MPHOSPH8: variants seen among roughly 807,000 people sequenced by gnomAD.
MPHOSPH8 encodes the protein M-phase phosphoprotein, mpp.
In MPHOSPH8, 45 loss-of-function variants were observed where a neutral mutation model predicts 87.3. The observed-to-expected ratio is 0.52, with a 90% CI of 0.41 to 0.66. The LOEUF (loss-of-function observed/expected upper bound fraction) is 0.66. Among genes scored for constraint, MPHOSPH8 ranks in the 30% least tolerant of loss-of-function variants. The pLI, the probability that MPHOSPH8 is intolerant of heterozygous loss-of-function variation, is 0.00. For synonymous variants in MPHOSPH8, 366 were observed against 376.9 expected, an observed-to-expected ratio of 0.97 and a Z score of 0.33; for missense variants, 883 against 1,020.2, an observed-to-expected ratio of 0.87 and a Z score of 1.83.
Position 19,661,785 on chromosome 13 carries a change from G to T in MPHOSPH8, c.1879G>T (p.Val627Leu), listed in dbSNP as rs760012733. The change falls in exon 8 of 14, where the codon GTG becomes TTG. Residue 627 changes from valine (V) to leucine (L), a missense_variant. By Grantham distance (32) the Val-to-Leu change is conservative. This residue lies in a region of MPHOSPH8 where 741 missense variants were observed against 841.5 expected (regional missense o/e 0.88). Transcript: ENST00000361479. ...ACTCCTCATCACAAAAGGCGCGAAA[G>T]TGAACGGTCGGCAGAAGAACGGGAC... ...LRLLITKGAK[V>L]NGRQKNGTTA... The T allele has an allele frequency of 6.2e-7, 1 of 1,613,584 alleles. No individual in the cohort carries two copies.
intron 9 of MPHOSPH8, among the ~76,000 whole-genome samples, chr13:19,663,711 C>T (rs1270136990): frequency 1.3e-5 from 2 of 152,194 alleles, no homozygotes; most frequent in Non-Finnish European, 2.9e-5. Flanking sequence ...GTTGTGGGTT[C>T]CTGGCCCAGG....
At chr13:19,648,386 T>C (rs988071191) in intron 3 of MPHOSPH8, 36 bp from the exon 4 acceptor site, 2 of 1,362,092 alleles carry the variant, frequency 1.5e-6, no homozygotes, top group Non-Finnish European at 2.0e-6. Context: ...GTCAACTCTT[T>C]ATCCATTCTT....
In MPHOSPH8 at chr13:19,646,517, T is replaced by A; in HGVS notation, c.444T>A (p.Thr148=). 6.4e-7 allele frequency: 1 copy of A among 1,570,986 alleles called. No homozygotes were observed. Among genetic ancestry groups the A allele is most frequent in the Non-Finnish European group, 8.6e-7 (1 of 1,169,320 alleles). Residue 148 remains threonine, a synonymous_variant, in exon 3 of 14, where the codon ACT becomes ACA. Transcript: ENST00000361479. ...AGCAAAGTGAGACAAAAGAAGATAC[T>A]TCCCCAAAGAAGAAAAAGAAAAAAT... ...SDQQSETKED[T]SPKKKKKKLR...
In MPHOSPH8 at chr13:19,636,328, C is replaced by CTAAT. The variant is rs1001957684; in HGVS notation, c.213+2372_213+2375dup. Among the ~76,000 whole-genome samples, 19 of 152,186 alleles carry CTAAT rather than the reference C, an allele frequency of 1.2e-4. 1 individual carries two copies. Among genetic ancestry groups the CTAAT allele is most frequent in the Admixed American group, 1.1e-3 (17 of 15,284 alleles). The stretch of plus-strand genomic sequence containing the variant: ...ACACTTACAATTGATTCACTTTTTA[C>CTAAT]TAATTAATAATATTTCTTGATTCTA... On this transcript the variant is annotated intron_variant, in intron 1 of 13. Transcript: ENST00000361479.
rs760829424 is a variant in MPHOSPH8 at position 19,663,033 on chromosome 13, T to C, written c.1933-7T>C. On this transcript the variant is annotated splice_region_variant and splice_polypyrimidine_tract_variant and intron_variant, in intron 8 of 13. Transcript: ENST00000361479. Reference sequence around the variant, plus strand: ...GAAATTAAATTTGCCTTTTTTTCTTTTCATAGAACTTTTTAACAACAGTGG... The same window carrying C: ...GAAATTAAATTTGCCTTTTTTTCTTCTCATAGAACTTTTTAACAACAGTGG... The C allele has an allele frequency of 3.9e-5, 62 of 1,599,682 alleles. No individual in the cohort carries two copies. Among genetic ancestry groups the C allele is most frequent in the Non-Finnish European group, 5.1e-5 (60 of 1,172,660 alleles).
chr13:19,663,424 ACT>A (rs1396802161), intron 9 of MPHOSPH8, among the ~76,000 whole-genome samples: 1 of 152,192 alleles, frequency 6.6e-6, no homozygotes, highest in Non-Finnish European at 1.5e-5. Flanking sequence ...CAGGTGCCAC[ACT>A]GTGTCCTAAA....
chr13:19,671,106 AAAAT>A, intron 12 of MPHOSPH8, 96 bp from the exon 13 acceptor site: 2 of 1,499,142 alleles, frequency 1.3e-6, no homozygotes, highest in Non-Finnish European at 1.8e-6. Flanking sequence ...TATGAAATAA[AAAAT>A]AAAACTTATT....
Position 19,646,589 on chromosome 13 carries a change from A to G in MPHOSPH8, c.516A>G (p.Lys172=), listed in dbSNP as rs1484427240. ...EKSPDDLKKK[K]AKAGKLKDKS... ...GCCCAGATGATCTGAAAAAGAAAAA[A>G]GCAAAGGCCGGGAAGCTAAAAGACA... The change falls in exon 3 of 14, where the codon AAA becomes AAG. Residue 172 remains lysine (K), a synonymous_variant. Coordinates refer to ENST00000361479, the MANE Select transcript of MPHOSPH8 (RefSeq NM_017520.4). 3 of 1,583,474 alleles carry G rather than the reference A, an allele frequency of 1.9e-6. No individual in the cohort carries two copies. The highest frequency in any genetic ancestry group is 2.6e-6 in the Non-Finnish European group (3 of 1,173,090).
chr13:19,659,955 A>ATTTTTTTTTTTTTTTTTTTTTTTTTT (rs34817892), intron 7 of MPHOSPH8, among the ~76,000 whole-genome samples: 1 of 59,134 alleles, frequency 1.7e-5, no homozygotes, highest in African/African-American at 6.0e-5. Flanking sequence ...ATATGTATGG[A>ATTTTTTTTTTTTTTTTTTTTTTTTTT]TTTTTTTTTT....
chr13:19,662,387 G>GT (rs1431354528), intron 8 of MPHOSPH8, among the ~76,000 whole-genome samples: 1 of 152,162 alleles, frequency 6.6e-6, no homozygotes, highest in Non-Finnish European at 1.5e-5. Context: ...AGCCTCCCAA[G>GT]TAGCTGGGAC....
intron 4 of MPHOSPH8, 122 bp from the exon 5 acceptor site, chr13:19,649,881 A>C: frequency 1.1e-6 from 1 of 871,728 alleles, no homozygotes; most frequent in Non-Finnish European, 1.7e-6. Context: ...TTTATAAGCA[A>C]GGTAGATGTT....
chr13:19,666,306 C>G, intron 9 of MPHOSPH8, 119 bp from the exon 10 acceptor site: 1 of 1,088,260 alleles, frequency 9.2e-7, no homozygotes, highest in Non-Finnish European at 1.3e-6. Flanking sequence ...AGTTCTCTAT[C>G]CTTCTTCCAT....
At position 19,666,579 on chromosome 13, in the gene MPHOSPH8, CGTAA is replaced by C. The variant is rs781499754; in HGVS notation, c.2174+3_2174+6del. 7.6e-6 allele frequency: 12 copies of C among 1,571,860 alleles called. No individual in the cohort carries two copies. The highest frequency in any genetic ancestry group is 2.3e-5 in the South Asian group (2 of 87,756). On this transcript the variant is annotated splice_donor_variant and splice_donor_region_variant and intron_variant, in intron 10 of 13. Transcript: ENST00000361479. LOFTEE classifies it high-confidence loss of function. ...GACTTGCTGAAGAACCATTTAGAGA[CGTAA>C]GTGAGAAGCGACTGTGCCATAGTTA...
In MPHOSPH8 at chr13:19,659,230, GATT is replaced by G; in HGVS notation, c.1735_1737del (p.Tyr579del). On this transcript the variant is annotated inframe_deletion, in exon 7 of 14. Coordinates refer to ENST00000361479, the MANE Select transcript of MPHOSPH8 (RefSeq NM_017520.4). ...GTTAAGGGATGCTGTGAAAAATGGG[GATT>G]ATATTACTGTAAAAGTTGCACTTAA... 6.2e-7 allele frequency: 1 copy of G among 1,612,798 alleles called. No homozygotes were observed. Among genetic ancestry groups the G allele is most frequent in the Non-Finnish European group, 8.5e-7 (1 of 1,179,566 alleles).
chr13:19,668,318 C>T lies in MPHOSPH8; in HGVS notation c.2175-59C>T, dbSNP rs772277669. 1.0e-4 allele frequency: 151 copies of T among 1,511,982 alleles called. 1 individual carries two copies. Among genetic ancestry groups the T allele is most frequent in the South Asian group, 1.3e-4 (11 of 82,718 alleles). The allele number at this position is 1,511,982 out of a possible 1,614,324, so 93.7% of individuals were successfully genotyped here. A position where few individuals can be genotyped will look rare whatever the true frequency, so the allele number is the denominator to read the frequency against. On this transcript the variant is annotated intron_variant, in intron 10 of 13. Transcript: ENST00000361479. ...GGCCTGGGAAGCCCTCACTGGTATT[C>T]GACAGGCTTGTGGTTCTTTTCTACA... is the stretch of plus-strand genomic sequence containing the variant.
At position 19,646,524 on chromosome 13, in the gene MPHOSPH8, A is replaced by T; in HGVS notation, c.451A>T (p.Lys151Ter). The T allele has an allele frequency of 6.4e-7, 1 of 1,573,172 alleles. No homozygotes were observed. Among genetic ancestry groups the T allele is most frequent in the Non-Finnish European group, 8.5e-7 (1 of 1,170,130 alleles). Reference sequence around the variant, plus strand: ...TGAGACAAAAGAAGATACTTCCCCAAAGAAGAAAAAGAAAAAATTGAGGCA... The same window carrying T: ...TGAGACAAAAGAAGATACTTCCCCATAGAAGAAAAAGAAAAAATTGAGGCA... ...QSETKEDTSP[K>*]KKKKKLRQRE... Residue 151 changes from lysine to a stop codon, truncating the protein, a stop_gained, in exon 3 of 14, where the codon AAG becomes TAG. Transcript: ENST00000361479. LOFTEE classifies it high-confidence loss of function.
At chr13:19,640,296 G>T (rs991087503) in intron 1 of MPHOSPH8, among the ~76,000 whole-genome samples, 2 of 152,152 alleles carry the variant, frequency 1.3e-5, no homozygotes, top group Non-Finnish European at 2.9e-5. Flanking sequence ...TAAATGCAAA[G>T]ATTTAGACAG....
intron 8 of MPHOSPH8, 74 bp downstream of exon 8, chr13:19,661,912 G>A: frequency 6.8e-7 from 1 of 1,471,524 alleles, no homozygotes; most frequent in Non-Finnish European, 9.1e-7. Flanking sequence ...GATCTCTTTG[G>A]TAGTGAAATA....
rs967712386 is a variant in MPHOSPH8 at position 19,633,791 on chromosome 13, G to C, written c.43G>C (p.Val15Leu). The C allele has an allele frequency of 1.9e-6, 3 of 1,607,630 alleles. No individual in the cohort carries two copies. Among genetic ancestry groups the C allele is most frequent in the Non-Finnish European group, 2.5e-6 (3 of 1,177,620 alleles). The change falls in exon 1 of 14, where the codon GTG becomes CTG. Residue 15 changes from valine to leucine, a missense_variant. By Grantham distance (32) the Val-to-Leu change is conservative. Around this residue, in one of 3 missense-constraint regions of MPHOSPH8, gnomAD observed 103 missense variants for 96.3 expected, o/e 1.07. Coordinates refer to ENST00000361479, the MANE Select transcript of MPHOSPH8 (RefSeq NM_017520.4). ...AEGARVTAVPVSAADSTEELA... is the reference protein window; with the variant it reads ...AEGARVTAVPLSAADSTEELA... ...GGGAGCAAGGGTGACCGCAGTCCCTGTGTCAGCTGCCGACAGCACTGAGGA... is the reference window on the plus strand; with the variant it reads ...GGGAGCAAGGGTGACCGCAGTCCCTCTGTCAGCTGCCGACAGCACTGAGGA...
Sources: allele counts gnomAD v4.1 joint callset (sites outside exome capture counted in the v4.1 genomes callset), GRCh38; gene constraint gnomAD v4.1.1; regional missense constraint gnomAD v4.1.1; transcripts MANE v1.5; gene names NCBI Gene and HGNC (gene_info 2026-07-23, HGNC 2026-07-21).